The following ANO5 variants were observed in gnomAD, a reference collection of about 807,000 sequenced individuals.
ANO5 encodes anoctamin-5.
ANO5 carries 109 observed loss-of-function variants against 121.0 expected under a neutral mutation model. The observed-to-expected ratio is 0.90, with a 90% CI of 0.77 to 1.06. The LOEUF (loss-of-function observed/expected upper bound fraction) is 1.06. Among genes scored for constraint, ANO5 ranks in the 50% least tolerant of loss-of-function variants. The probability of loss-of-function intolerance (pLI) is 0.00; values close to 1 mark genes in which losing one functional copy is unlikely to be tolerated. For synonymous variants in ANO5, 406 were observed against 359.9 expected (o/e 1.13, Z -1.45); for missense variants, 1,064 against 1,078.5 (o/e 0.99, Z 0.19).
intron 3 of ANO5, among the ~76,000 whole-genome samples, chr11:22,216,268 T>C (rs962246334): frequency 6.6e-6 from 1 of 151,930 alleles, no homozygotes; most frequent in Non-Finnish European, 1.5e-5. Flanking sequence ...TGTCACACTA[T>C]TTTTAAAAGT....
intron 17 of ANO5, among the ~76,000 whole-genome samples, chr11:22,265,917 T>C (rs1302930400): frequency 1.3e-5 from 2 of 152,176 alleles, no homozygotes; most frequent in African/African-American, 2.4e-5. Context: ...GGAGTAGAGA[T>C]TGTAGAAACA....
intron 2 of ANO5, among the ~76,000 whole-genome samples, chr11:22,205,059 G>A (rs1564910757): frequency 6.6e-6 from 1 of 152,138 alleles, no homozygotes; most frequent in Non-Finnish European, 1.5e-5. Flanking sequence ...CATGGATGGA[G>A]TTGGAGGCCC....
At chr11:22,227,209 G>A (rs1345943523) in intron 6 of ANO5, 93 bp from the exon 7 acceptor site, 1 of 1,517,884 alleles carries the variant, frequency 6.6e-7, no homozygotes, top group South Asian at 1.2e-5. Context: ...TGATGTGTTT[G>A]AGATTTTATA....
At chr11:22,207,113 T>C (rs1453965529) in intron 2 of ANO5, among the ~76,000 whole-genome samples, 1 of 152,044 alleles carries the variant, frequency 6.6e-6, no homozygotes, top group African/African-American at 2.4e-5. Context: ...TTCTATATAC[T>C]GGTAATGAGA....
intron 7 of ANO5, among the ~76,000 whole-genome samples, chr11:22,231,906 G>A (rs550916794): frequency 6.6e-6 from 1 of 151,912 alleles, no homozygotes; most frequent in Non-Finnish European, 1.5e-5. Context: ...CTTAATGGAC[G>A]CATAAAATGA....
intron 12 of ANO5, 95 bp from the exon 13 acceptor site, chr11:22,255,276 G>A: frequency 1.0e-6 from 1 of 1,001,712 alleles, no homozygotes; most frequent in Non-Finnish European, 1.4e-6. Context: ...CCTGAAACAT[G>A]TGAACCATCC....
chr11:22,218,033 T>C (rs1331261862), intron 3 of ANO5, among the ~76,000 whole-genome samples: 1 of 151,366 alleles, frequency 6.6e-6, no homozygotes, highest in African/African-American at 2.4e-5. Flanking sequence ...TTGAGTCTCC[T>C]TATTTTCTTT....
rs115222422 is a variant in ANO5 at position 22,276,928 on chromosome 11, T to A, written c.2520+729T>A. On this transcript the variant is annotated intron_variant, in intron 21 of 21. Transcript: ENST00000324559. ...ATTCCAACCAGTTTCTGTTTTTTTT[T>A]ATTGTTATCAAGGTTTCACATGTAA... is the stretch of plus-strand genomic sequence containing the variant. 7.3e-3 allele frequency among the ~76,000 whole-genome samples: 1,100 copies of A among 151,628 alleles called. 22 individuals carry two copies. Among genetic ancestry groups the A allele is most frequent in the African/African-American group, 0.025 (1,043 of 41,340 alleles).
Position 22,262,212 on chromosome 11 carries a change from T to C in ANO5, c.1714T>C (p.Cys572Arg), listed in dbSNP as rs1854211640. The change falls in exon 16 of 22, where the codon TGC (cysteine) becomes CGC (arginine). Residue 572 changes from cysteine (C) to arginine (R), a missense_variant. Cys to Arg is a radical substitution (Grantham distance 180). Coordinates refer to ENST00000324559, the MANE Select transcript of ANO5 (RefSeq NM_213599.3). ...TCAGTTTGTAAATTTTTACTCATCC[T>C]GCTTCTACGTAGCTTTCTTTAAAGG... is the stretch of plus-strand genomic sequence containing the variant. ...LFQFVNFYSS[C>R]FYVAFFKGKF... 1 of 1,613,892 alleles carries C rather than the reference T, an allele frequency of 6.2e-7. No individual in the cohort carries two copies. The highest frequency in any genetic ancestry group is 1.3e-5 in the African/African-American group (1 of 74,952).
Position 22,270,379 on chromosome 11 carries a change from G to C in ANO5, c.1966G>C (p.Glu656Gln), listed in dbSNP as rs886043829. The C allele has an allele frequency of 6.2e-7, 1 of 1,614,114 alleles. No homozygotes were observed. The highest frequency in any genetic ancestry group is 1.7e-4 in the Middle Eastern group (1 of 6,060). The change falls in exon 18 of 22, where the codon GAG becomes CAG. Residue 656 changes from glutamate to glutamine, a missense_variant. Glu to Gln is a conservative substitution (Grantham distance 29, BLOSUM62 2). Transcript: ENST00000324559. ...TNSEKLYSRW[E>Q]QDHDLESFGP... ...CTCTGAGAAGCTGTATAGTCGATGG[G>C]AGCAGGATCATGACCTTGAAAGTTT...
intron 5 of ANO5, among the ~76,000 whole-genome samples, chr11:22,225,385 A>C (rs1852790444): frequency 1.3e-5 from 2 of 152,036 alleles, no homozygotes; most frequent in African/African-American, 4.8e-5. Context: ...TGAGCCCAGG[A>C]GTGTGATGCT....
chr11:22,198,618 C>T (rs1324046600), intron 1 of ANO5, among the ~76,000 whole-genome samples: 7 of 152,088 alleles, frequency 4.6e-5, no homozygotes, highest in African/African-American at 1.7e-4. Flanking sequence ...TGCAGTTTTT[C>T]AACTTTCTTT....
chr11:22,263,134 C>A (rs1590307271), intron 17 of ANO5, 91 bp downstream of exon 17: 2 of 1,072,536 alleles, frequency 1.9e-6, no homozygotes, highest in East Asian at 4.8e-5. Flanking sequence ...TACCATGGTG[C>A]CTTTGTTAGA....
rs539447134 is a variant in ANO5, at chr11:22,236,204, T to C, written c.690T>C (p.Asp230=). Residue 230 remains aspartate, a synonymous_variant, in exon 8 of 22, where the codon GAT becomes GAC. Transcript: ENST00000324559. ...ILSRCPFGIE[D]GKKRFGIERL... is the part of the protein sequence containing the mutation. The stretch of plus-strand genomic sequence containing the variant: ...CAAGATGTCCTTTTGGCATAGAAGA[T>C]GGGAAGAAAAGGTTTGGGATTGAAA... 3.1e-6 allele frequency: 5 copies of C among 1,613,346 alleles called. No homozygotes were observed. The highest frequency in any genetic ancestry group is 1.1e-5 in the South Asian group (1 of 91,074).
rs974967395 is a variant in ANO5, at chr11:22,281,068, CTAAA to C, written c.*1306_*1309del. Reference sequence around the variant, plus strand: ...CTTGTTCTGTTTTCACTTAAAAAAACTAAATATGTATAACTTTGTGTATACACAC... The same window carrying C: ...CTTGTTCTGTTTTCACTTAAAAAAACTATGTATAACTTTGTGTATACACAC... On this transcript the variant is annotated 3_prime_UTR_variant, in exon 22 of 22. Transcript: ENST00000324559. 3 of 151,840 alleles carry C rather than the reference CTAAA, an allele frequency of 2.0e-5. No homozygotes were observed. The highest frequency in any genetic ancestry group is 7.2e-5 in the African/African-American group (3 of 41,390). The allele number at this position is 151,840 out of a possible 1,614,324, so 9.4% of individuals were successfully genotyped here.
intron 8 of ANO5, among the ~76,000 whole-genome samples, chr11:22,236,888 G>T (rs1853241457): frequency 6.6e-6 from 1 of 152,150 alleles, no homozygotes; most frequent in African/African-American, 2.4e-5. Flanking sequence ...GCAAATCATT[G>T]TACAAAAACA....
At chr11:22,249,083 G>A (rs1484667338) in intron 9 of ANO5, among the ~76,000 whole-genome samples, 1 of 151,902 alleles carries the variant, frequency 6.6e-6, no homozygotes, top group African/African-American at 2.4e-5. Context: ...TTAATTTCAA[G>A]TTTATAGTGA....
chr11:22,247,171 A>G (rs1853652842), intron 9 of ANO5, among the ~76,000 whole-genome samples: 1 of 152,134 alleles, frequency 6.6e-6, no homozygotes, highest in African/African-American at 2.4e-5. Context: ...AAGTAGCAGT[A>G]TAGTAGGGAA....
rs757450282 is a variant in ANO5, at chr11:22,257,748, A to G, written c.1401A>G (p.Thr467=). The part of the protein sequence containing the change: ...PWYFLSGATV[T]LWMSLVVTSM... ...ACTTTCTTTCAGGAGCCACAGTGACATTATGGGTGAGCATTTCTTTAAAAA... is the reference window on the plus strand; with the variant it reads ...ACTTTCTTTCAGGAGCCACAGTGACGTTATGGGTGAGCATTTCTTTAAAAA... The change falls in exon 14 of 22, where the codon ACA becomes ACG. Residue 467 remains threonine (T), a synonymous_variant. Transcript: ENST00000324559. The G allele has an allele frequency of 1.2e-6, 2 of 1,609,690 alleles. No homozygotes were observed. Among genetic ancestry groups the G allele is most frequent in the East Asian group, 2.2e-5 (1 of 44,806 alleles).
Sources: allele counts gnomAD v4.1 joint callset (sites outside exome capture counted in the v4.1 genomes callset), GRCh38; gene constraint gnomAD v4.1.1; transcripts MANE v1.5; gene names NCBI Gene and HGNC (gene_info 2026-07-23, HGNC 2026-07-21).